The following NSG1 variants were observed in gnomAD, a reference collection of about 807,000 sequenced individuals.
NSG1 encodes the protein neuronal vesicle trafficking associated 1.
In NSG1, 9 loss-of-function variants were observed where a neutral mutation model predicts 19.3. The observed-to-expected ratio is 0.47, with a 90% CI of 0.28 to 0.81. NSG1 has a LOEUF of 0.81. NSG1 is among the 40% of genes least tolerant of loss of function. NSG1 has a pLI of 0.11. For missense variants in NSG1, 236 were observed against 242.4 expected, an observed-to-expected ratio of 0.97 and a Z score of 0.18; for synonymous variants, 104 against 107.0, an observed-to-expected ratio of 0.97 and a Z score of 0.17.
At chr4:4,411,508 CCTAGGTGGGTGGAT>C (rs1292253281) in intron 4 of NSG1, among the ~76,000 whole-genome samples, 4 of 152,116 alleles carry the variant, frequency 2.6e-5, no homozygotes, top group African/African-American at 9.7e-5. Flanking sequence ...CTTTGGGAGG[CCTAGGTGGGTGGAT>C]CACCTGAGGT....
chr4:4,397,276 A>AC (rs964189957), intron 3 of NSG1, among the ~76,000 whole-genome samples: 8 of 151,428 alleles, frequency 5.3e-5, no homozygotes, highest in African/African-American at 1.7e-4. Flanking sequence ...GGCGCCATCG[A>AC]CCCAGTGCAT....
chr4:4,397,437 A>G (rs549328921), intron 3 of NSG1, among the ~76,000 whole-genome samples: 3 of 152,112 alleles, frequency 2.0e-5, no homozygotes, highest in Admixed American at 6.5e-5. Flanking sequence ...TGACACACCA[A>G]ATCCCACTGT....
rs567896807 is a variant in NSG1 at position 4,394,129 on chromosome 4, C to T, written c.246+2538C>T. Among the ~76,000 whole-genome samples, 7 of 152,356 alleles carry T rather than the reference C, an allele frequency of 4.6e-5. No individual in the cohort carries two copies. In the East Asian group the frequency reaches 1.3e-3, roughly 29 times the overall value. ...GGGAAACTGAGGCAGAGAGCCTTGG[C>T]AGCCTGCTCTTGGCTGTGGCACCAG... On this transcript the variant is annotated intron_variant, in intron 3 of 4. Coordinates refer to ENST00000621129, the MANE Select transcript of NSG1 (RefSeq NM_014392.5).
intron 3 of NSG1, among the ~76,000 whole-genome samples, chr4:4,405,495 A>C (rs1723805565): frequency 6.6e-6 from 1 of 151,874 alleles, no homozygotes; most frequent in South Asian, 2.1e-4. Flanking sequence ...CACTTTGGCG[A>C]TGAGATGTGG....
chr4:4,407,958 C>T (rs372049964), intron 3 of NSG1, among the ~76,000 whole-genome samples: 2 of 152,124 alleles, frequency 1.3e-5, no homozygotes, highest in African/African-American at 4.8e-5. Flanking sequence ...TCAGCATTCA[C>T]GGCAGGGTGG....
At chr4:4,412,584 G>C (rs543860219) in intron 4 of NSG1, among the ~76,000 whole-genome samples, 25 of 152,176 alleles carry the variant, frequency 1.6e-4, no homozygotes, top group African/African-American at 6.0e-4. Flanking sequence ...AAGGAGAGGC[G>C]TGAGCTCATG....
chr4:4,417,671 T>G lies in NSG1; in HGVS notation c.*236T>G, dbSNP rs1724654412. On this transcript the variant is annotated 3_prime_UTR_variant, in exon 5 of 5. Coordinates refer to ENST00000621129, the MANE Select transcript of NSG1 (RefSeq NM_014392.5). ...TGACACCACTTTTCATGTTAAGATC[T>G]TCATTTAGCTCCTTTACTGGGATTT... The G allele has an allele frequency of 3.7e-6, 2 of 537,596 alleles. No individual in the cohort carries two copies. The highest frequency in any genetic ancestry group is 4.4e-5 in the South Asian group (2 of 45,758). The allele number at this position is 537,596 out of a possible 1,614,324, so 33.3% of individuals were successfully genotyped here. A position where few individuals can be genotyped will look rare whatever the true frequency, so the allele number is the denominator to read the frequency against.
chr4:4,387,383 C>T (rs1722774830), intron 1 of NSG1, among the ~76,000 whole-genome samples: 1 of 152,170 alleles, frequency 6.6e-6, no homozygotes, highest in South Asian at 2.1e-4. Flanking sequence ...CGCCCTTGCG[C>T]CCGGCGCTTG....
Position 4,417,453 on chromosome 4 carries a change from T to C in NSG1, c.*18T>C, listed in dbSNP as rs1419988740. Reference sequence around the variant, plus strand: ...CAGCTTAGCGGGATGGGCAAGTTCCTTACAATGTGTCACTTGCAAATAACA... The same window carrying C: ...CAGCTTAGCGGGATGGGCAAGTTCCCTACAATGTGTCACTTGCAAATAACA... On this transcript the variant is annotated 3_prime_UTR_variant, in exon 5 of 5. Coordinates refer to ENST00000621129, the MANE Select transcript of NSG1 (RefSeq NM_014392.5). 1 of 1,609,288 alleles carries C rather than the reference T, an allele frequency of 6.2e-7. No homozygotes were observed. Among genetic ancestry groups the C allele is most frequent in the Admixed American group, 1.7e-5 (1 of 59,954 alleles).
intron 3 of NSG1, among the ~76,000 whole-genome samples, chr4:4,392,910 C>A (rs142257264): frequency 6.6e-6 from 1 of 152,284 alleles, no homozygotes; most frequent in African/African-American, 2.4e-5. Context: ...CTTTTGGTGG[C>A]TCCTGGCTCG....
chr4:4,403,420 C>G (rs932785398), intron 3 of NSG1, among the ~76,000 whole-genome samples: 1 of 152,156 alleles, frequency 6.6e-6, no homozygotes, highest in African/African-American at 2.4e-5. Flanking sequence ...ATGGTCCCGT[C>G]CTCCGCCGTC....
At chr4:4,408,340 C>T (rs543880809) in intron 3 of NSG1, among the ~76,000 whole-genome samples, 3 of 152,290 alleles carry the variant, frequency 2.0e-5, no homozygotes, top group East Asian at 1.9e-4. Context: ...CATGTTCATA[C>T]GATTACGGAG....
intron 2 of NSG1, 93 bp downstream of exon 2, chr4:4,387,851 G>A: frequency 9.4e-7 from 1 of 1,068,636 alleles, no homozygotes; most frequent in Non-Finnish European, 1.4e-6. Flanking sequence ...CGTGCGCTGG[G>A]TACGCGAAGT....
At chr4:4,394,782 G>A (rs1392222038) in intron 3 of NSG1, among the ~76,000 whole-genome samples, 1 of 152,226 alleles carries the variant, frequency 6.6e-6, no homozygotes, top group African/African-American at 2.4e-5. Context: ...TCCCATGAAT[G>A]GGGTACTTGG....
intron 4 of NSG1, among the ~76,000 whole-genome samples, chr4:4,411,659 G>A (rs887343609): frequency 4.6e-5 from 7 of 152,108 alleles, no homozygotes; most frequent in Non-Finnish European, 7.4e-5. Flanking sequence ...CAGGAGAATC[G>A]CTTGAACCCA....
At chr4:4,416,191 A>G in intron 4 of NSG1, 1 of 702,386 alleles carries the variant, frequency 1.4e-6, no homozygotes, top group South Asian at 1.5e-5. Context: ...AACACTCCGC[A>G]CGTGAACTCA....
intron 2 of NSG1, among the ~76,000 whole-genome samples, chr4:4,390,717 T>A (rs1179193633): frequency 2.6e-5 from 4 of 152,174 alleles, no homozygotes; most frequent in African/African-American, 9.7e-5. Context: ...AAACAGTCCC[T>A]GGCAACGGGT....
intron 3 of NSG1, among the ~76,000 whole-genome samples, chr4:4,407,714 G>A (rs76234731): frequency 0.021 from 3,219 of 152,218 alleles, 106 homozygotes; most frequent in African/African-American, 0.074. Context: ...TGACTAGTGT[G>A]GCTCTCCAGG....
chr4:4,409,069 T>A (rs1048769875), intron 3 of NSG1, among the ~76,000 whole-genome samples: 7 of 152,280 alleles, frequency 4.6e-5, no homozygotes, highest in Non-Finnish European at 8.8e-5. Flanking sequence ...CCAATGGGGC[T>A]GCAGAGGTTC....
Sources: allele counts gnomAD v4.1 joint callset (sites outside exome capture counted in the v4.1 genomes callset), GRCh38; gene constraint gnomAD v4.1.1; transcripts MANE v1.5; gene names NCBI Gene and HGNC (gene_info 2026-07-23, HGNC 2026-07-21).